The following VPS54 variants were observed in gnomAD, a reference collection of about 807,000 sequenced individuals.
VPS54 encodes the protein VPS54 subunit of GARP complex.
In VPS54, 45 loss-of-function variants were observed where a neutral mutation model predicts 121.5. That is an observed-to-expected ratio of 0.37 (90% CI 0.29 to 0.47). VPS54 has a LOEUF of 0.47. Ranked by LOEUF, VPS54 falls within the 20% of genes least tolerant of loss-of-function variation. The probability of loss-of-function intolerance (pLI) is 0.99; values close to 1 mark genes in which losing one functional copy is unlikely to be tolerated. For synonymous variants in VPS54, 371 were observed against 385.8 expected (o/e 0.96, Z 0.45); for missense variants, 1,090 against 1,131.4 (o/e 0.96, Z 0.52).
intron 3 of VPS54, 144 bp downstream of exon 3, chr2:63,981,502 C>CA: frequency 1.3e-6 from 1 of 769,822 alleles, no homozygotes; most frequent in Non-Finnish European, 1.8e-6. Flanking sequence ...GAATTAAATG[C>CA]AACCCAGGAC....
intron 12 of VPS54, among the ~76,000 whole-genome samples, chr2:63,928,182 GAGA>G (rs1674004305): frequency 1.3e-5 from 2 of 152,146 alleles, no homozygotes; most frequent in Non-Finnish European, 2.9e-5. Context: ...GATACTTCTT[GAGA>G]AGAACAACCC....
chr2:63,942,522 C>T lies in VPS54; in HGVS notation c.1341G>A (p.Trp447Ter). 6.3e-7 allele frequency: 1 copy of T among 1,597,826 alleles called. No individual in the cohort carries two copies. The highest frequency in any genetic ancestry group is 8.5e-7 in the Non-Finnish European group (1 of 1,171,128). The change falls in exon 11 of 23, where the codon TGG becomes TGA. Residue 447 changes from tryptophan (W) to a stop codon, truncating the protein, a stop_gained. Transcript: ENST00000272322. LOFTEE classifies it high-confidence loss of function. ...AGAAAATATCCTTGAGCAGATCAAA[C>T]CACTGGGGAAAATTCAACATTCTCA... is the stretch of plus-strand genomic sequence containing the variant. ...DQMRMLNFPQ[W>*]FDLLKDIFSK... is the part of the protein sequence containing the mutation.
chr2:64,012,455 TAAAAA>T (rs11316408), intron 1 of VPS54, among the ~76,000 whole-genome samples: 1 of 111,576 alleles, frequency 9.0e-6, no homozygotes, highest in Non-Finnish European at 1.8e-5. Flanking sequence ...AGTAACTGTT[TAAAAA>T]AAAAAAAAAA....
rs531777420 is a variant in VPS54 at position 63,903,629 on chromosome 2, G to T, written c.2626-4048C>A. 2.4e-4 allele frequency among the ~76,000 whole-genome samples: 36 copies of T among 152,180 alleles called. No individual in the cohort carries two copies. The South Asian group carries it at 7.5e-3, about 32-fold the overall frequency. On this transcript the variant is annotated intron_variant, in intron 20 of 22. Transcript: ENST00000272322. ...AAATGTATGACAATAATAGCACACA[G>T]CAGGAGAGAGAGAAAACAGGTATCC... is the stretch of plus-strand genomic sequence containing the variant.
At chr2:63,921,736 C>T (rs1673656946) in intron 12 of VPS54, among the ~76,000 whole-genome samples, 1 of 152,154 alleles carries the variant, frequency 6.6e-6, no homozygotes, top group East Asian at 1.9e-4. Context: ...CCCACCTCAG[C>T]CTCCCAAAGT....
chr2:63,951,514 T>C (rs941731172), intron 7 of VPS54, among the ~76,000 whole-genome samples: 4 of 152,142 alleles, frequency 2.6e-5, no homozygotes, highest in Admixed American at 6.6e-5. Context: ...CTCACCACAG[T>C]AGCAACAGGA....
chr2:63,988,810 AG>A (rs1677176691), intron 1 of VPS54, among the ~76,000 whole-genome samples: 1 of 152,210 alleles, frequency 6.6e-6, no homozygotes, highest in Non-Finnish European at 1.5e-5. Flanking sequence ...CTTGAAAAAA[AG>A]AACAGGCAGG....
intron 1 of VPS54, among the ~76,000 whole-genome samples, chr2:63,995,538 A>G (rs1221181483): frequency 2.0e-5 from 3 of 152,246 alleles, no homozygotes; most frequent in Non-Finnish European, 4.4e-5. Context: ...AATGGCCACC[A>G]CTGCCGGAAT....
Position 64,006,390 on chromosome 2 carries a change from C to T in VPS54, c.-21+12548G>A, listed in dbSNP as rs1053453603. Among the ~76,000 whole-genome samples, 7 of 152,186 alleles carry T rather than the reference C, an allele frequency of 4.6e-5. No individual in the cohort carries two copies. The South Asian group carries it at 8.3e-4, about 18-fold the overall frequency. ...CTAGATCTCCACCTTCCTTGTAAAA[C>T]GATATACTAGTTAAGAGTATTGGCC... On this transcript the variant is annotated intron_variant, in intron 1 of 22. Transcript: ENST00000272322.
At chr2:64,010,977 ACT>A (rs1421639057) in intron 1 of VPS54, among the ~76,000 whole-genome samples, 1 of 152,120 alleles carries the variant, frequency 6.6e-6, no homozygotes, top group Non-Finnish European at 1.5e-5. Context: ...TTTGCAGGAA[ACT>A]CTGAATGCAT....
chr2:63,896,138 T>TA (rs1672436655), intron 22 of VPS54, among the ~76,000 whole-genome samples: 1 of 152,234 alleles, frequency 6.6e-6, no homozygotes, highest in Non-Finnish European at 1.5e-5. Flanking sequence ...AAGTGAGAGA[T>TA]ATACACAGCG....
At chr2:63,920,420 C>A in intron 14 of VPS54, 26 bp downstream of exon 14, 1 of 1,439,078 alleles carries the variant, frequency 6.9e-7, no homozygotes, top group Non-Finnish European at 9.1e-7. Context: ...AAAAATCAAA[C>A]AACAGAATGG....
intron 1 of VPS54, among the ~76,000 whole-genome samples, chr2:63,991,433 G>A (rs1168931887): frequency 6.6e-6 from 1 of 152,164 alleles, no homozygotes; most frequent in African/African-American, 2.4e-5. Flanking sequence ...TGAAGGCATT[G>A]GATCAGACAC....
intron 1 of VPS54, among the ~76,000 whole-genome samples, chr2:63,994,687 T>G (rs1405513925): frequency 6.6e-6 from 1 of 152,158 alleles, no homozygotes; most frequent in Admixed American, 6.5e-5. Context: ...CTTTCTCCTT[T>G]AAGACAAATG....
chr2:63,978,695 C>T (rs1575982778), intron 3 of VPS54, among the ~76,000 whole-genome samples: 3 of 152,284 alleles, frequency 2.0e-5, no homozygotes, highest in African/African-American at 7.2e-5. Context: ...TCTCAGCTCA[C>T]TGAAACCTCC....
At chr2:63,926,357 T>C (rs1187966644) in intron 12 of VPS54, among the ~76,000 whole-genome samples, 4 of 152,238 alleles carry the variant, frequency 2.6e-5, no homozygotes, top group Non-Finnish European at 5.9e-5. Flanking sequence ...TGTGAAAATA[T>C]CAGCCTGAAC....
At chr2:63,995,022 A>G (rs760704707) in intron 1 of VPS54, among the ~76,000 whole-genome samples, 23 of 152,124 alleles carry the variant, frequency 1.5e-4, no homozygotes, top group Non-Finnish European at 2.9e-4. Flanking sequence ...TAAAGGCATT[A>G]CCCCCATCTG....
intron 1 of VPS54, among the ~76,000 whole-genome samples, chr2:64,007,121 G>A (rs1357061740): frequency 6.6e-6 from 1 of 152,116 alleles, no homozygotes; most frequent in African/African-American, 2.4e-5. Flanking sequence ...AACCAATATG[G>A]GCAGACATAA....
intron 2 of VPS54, among the ~76,000 whole-genome samples, chr2:63,983,237 T>A (rs1676879987): frequency 6.6e-6 from 1 of 150,804 alleles, no homozygotes; most frequent in Non-Finnish European, 1.5e-5. Context: ...GTTCAAGTGA[T>A]TCTCCTGCCT....
Sources: allele counts gnomAD v4.1 joint callset (sites outside exome capture counted in the v4.1 genomes callset), GRCh38; gene constraint gnomAD v4.1.1; transcripts MANE v1.5; gene names NCBI Gene and HGNC (gene_info 2026-07-23, HGNC 2026-07-21).